TOP2B: variants seen among roughly 807,000 people sequenced by gnomAD.
The protein encoded by TOP2B is DNA topoisomerase II beta, also known as DNA topoisomerase 2-beta.
TOP2B carries 51 observed loss-of-function variants against 193.5 expected under a neutral mutation model. The observed-to-expected ratio is 0.26, with a 90% CI of 0.21 to 0.33. The LOEUF (loss-of-function observed/expected upper bound fraction) is 0.33, where lower values mean the gene tolerates loss of function less well. Among genes scored for constraint, TOP2B ranks in the 10% least tolerant of loss-of-function variants. TOP2B has a pLI of 1.00. For synonymous variants in TOP2B, 634 were observed against 635.7 expected, an observed-to-expected ratio of 1.00 and a Z score of 0.04; for missense variants, 1,378 against 1,909.3, an observed-to-expected ratio of 0.72 and a Z score of 5.19.
At chr3:25,613,296 G>A (rs1702426188) in intron 27 of TOP2B, among the ~76,000 whole-genome samples, 1 of 152,020 alleles carries the variant, frequency 6.6e-6, no homozygotes, top group Non-Finnish European at 1.5e-5. Flanking sequence ...GCTTTGAAAG[G>A]CACAAGGAAA....
At chr3:25,653,583 CCA>C (rs1222199325) in intron 1 of TOP2B, among the ~76,000 whole-genome samples, 1 of 152,022 alleles carries the variant, frequency 6.6e-6, no homozygotes, top group Non-Finnish European at 1.5e-5. Context: ...CTGTGTGCCT[CCA>C]CACCTGGCTA....
chr3:25,610,159 G>A (rs1270402984), intron 28 of TOP2B, among the ~76,000 whole-genome samples: 4 of 151,380 alleles, frequency 2.6e-5, no homozygotes, highest in Non-Finnish European at 5.9e-5. Context: ...CTCTGGCCTG[G>A]GAAACAAAAG....
intron 5 of TOP2B, 136 bp downstream of exon 5, chr3:25,638,029 T>C (rs556437208): frequency 3.4e-6 from 3 of 871,460 alleles, no homozygotes; most frequent in Admixed American, 3.1e-5. Flanking sequence ...CAAGACAATA[T>C]TTATACATGA....
At chr3:25,647,882 T>C (rs1703456036) in intron 1 of TOP2B, among the ~76,000 whole-genome samples, 1 of 152,216 alleles carries the variant, frequency 6.6e-6, no homozygotes, top group Non-Finnish European at 1.5e-5. Flanking sequence ...ACCCCAGGCC[T>C]TTCTTTCCCC....
chr3:25,605,576 CA>C (rs1282764653), intron 32 of TOP2B, among the ~76,000 whole-genome samples: 3 of 151,606 alleles, frequency 2.0e-5, no homozygotes, highest in East Asian at 1.9e-4. Context: ...ATTCCATACA[CA>C]AAAAAAATAC....
At chr3:25,653,998 G>C (rs916062559) in intron 1 of TOP2B, among the ~76,000 whole-genome samples, 2 of 152,104 alleles carry the variant, frequency 1.3e-5, no homozygotes, top group Non-Finnish European at 2.9e-5. Context: ...ACAGCTAACA[G>C]CACATATACT....
chr3:25,644,623 C>T (rs1256777022), intron 2 of TOP2B, among the ~76,000 whole-genome samples: 1 of 148,838 alleles, frequency 6.7e-6, no homozygotes, highest in Non-Finnish European at 1.5e-5. Flanking sequence ...ATCGTTTGAA[C>T]CCAGGAGGCA....
chr3:25,627,235 G>T lies in TOP2B; in HGVS notation c.1968C>A (p.Arg656=), dbSNP rs189565377. The T allele has an allele frequency of 1.5e-4, 236 of 1,610,324 alleles. No homozygotes were observed. Among genetic ancestry groups the T allele is most frequent in the Admixed American group, 2.9e-4 (17 of 58,846 alleles). ...KEYFADMERH[R]ILFRYAGPED... is the part of the protein sequence containing the mutation. ...CAGGACCAGCATATCTAAACAAGAT[G>T]CGATGCCTTTCCATATCAGCAAAAT... is the stretch of plus-strand genomic sequence containing the variant. Residue 656 remains arginine, a synonymous_variant, in exon 16 of 36, where the codon CGC becomes CGA. Coordinates refer to ENST00000264331, the MANE Select transcript of TOP2B (RefSeq NM_001330700.2).
intron 21 of TOP2B, among the ~76,000 whole-genome samples, chr3:25,621,225 A>G (rs924146347): frequency 5.3e-5 from 8 of 152,136 alleles, no homozygotes; most frequent in Admixed American, 3.9e-4. Context: ...TTGTTTGACT[A>G]TTTTGAATAT....
Position 25,617,292 on chromosome 3 carries a change from T to C in TOP2B, c.3351+1126A>G, listed in dbSNP as rs192864573. On this transcript the variant is annotated intron_variant, in intron 25 of 35. Coordinates refer to ENST00000264331, the MANE Select transcript of TOP2B (RefSeq NM_001330700.2). ...CAAAAGGCAAGTGTTGTAGAAACCATAATTTGGGGTTCAATAAAACACATT... is the reference window on the plus strand; with the variant it reads ...CAAAAGGCAAGTGTTGTAGAAACCACAATTTGGGGTTCAATAAAACACATT... 2.8e-3 allele frequency among the ~76,000 whole-genome samples: 428 copies of C among 152,212 alleles called. 7 individuals carry two copies. The highest frequency in any genetic ancestry group is 1.0e-2 in the African/African-American group (414 of 41,548).
rs538607161 is a variant in TOP2B at position 25,664,068 on chromosome 3, C to A, written c.69+161G>T. ...CAGAGAAAGAAAGAAAGAAAAGGCGCGGGGAGCGGGCTGGAGGATTCTGCA... is the reference window on the plus strand; with the variant it reads ...CAGAGAAAGAAAGAAAGAAAAGGCGAGGGGAGCGGGCTGGAGGATTCTGCA... On this transcript the variant is annotated intron_variant, in intron 1 of 35. Transcript: ENST00000264331. Among the ~76,000 whole-genome samples the A allele has an allele frequency of 3.3e-3, 495 of 152,278 alleles. 1 individual carries two copies. The highest frequency in any genetic ancestry group is 4.3e-3 in the Non-Finnish European group (293 of 68,018).
At chr3:25,635,893 T>C (rs2125385175) in intron 7 of TOP2B, 43 bp downstream of exon 7, 3 of 1,540,958 alleles carry the variant, frequency 1.9e-6, no homozygotes, top group East Asian at 4.5e-5. Flanking sequence ...ATATTCTCTC[T>C]ATAAAATAAC....
chr3:25,660,196 A>T (rs1703868567), intron 1 of TOP2B, among the ~76,000 whole-genome samples: 1 of 152,060 alleles, frequency 6.6e-6, no homozygotes. Flanking sequence ...TGCTACTTAA[A>T]CTCTTGTCCT....
chr3:25,625,218 C>CCTT lies in TOP2B; in HGVS notation c.2225-418_2225-416dup, dbSNP rs912346279. 8.8e-4 allele frequency among the ~76,000 whole-genome samples: 134 copies of CCTT among 152,202 alleles called. 2 individuals are homozygous for CCTT. Among genetic ancestry groups the CCTT allele is most frequent in the Non-Finnish European group, 1.8e-4 (12 of 68,004 alleles). ...TCTAAGTATCCCACATCAGGAAAAC[C>CCTT]CTTATAAAAAGCGATTTATTGTGGT... On this transcript the variant is annotated intron_variant, in intron 18 of 35. Coordinates refer to ENST00000264331, the MANE Select transcript of TOP2B (RefSeq NM_001330700.2).
rs558043334 is a variant in TOP2B at position 25,664,106 on chromosome 3, T to G, written c.69+123A>C. On this transcript the variant is annotated intron_variant, in intron 1 of 35. Transcript: ENST00000264331. ...GGAGGATTCTGCAAGCACAGGCCCC[T>G]ATGGAGCGCCCGTTCGGGGGACGGG... 3.0e-5 allele frequency: 42 copies of G among 1,415,362 alleles called. No homozygotes were observed. In the African/African-American group the frequency reaches 5.8e-4, roughly 19 times the overall value. The allele number at this position is 1,415,362 out of a possible 1,614,324, so 87.7% of individuals were successfully genotyped here. A position where few individuals can be genotyped will look rare whatever the true frequency, so the allele number is the denominator to read the frequency against.
At chr3:25,657,355 G>A (rs1703775826) in intron 1 of TOP2B, among the ~76,000 whole-genome samples, 1 of 152,040 alleles carries the variant, frequency 6.6e-6, no homozygotes, top group Non-Finnish European at 1.5e-5. Context: ...AACCACCTTT[G>A]GCCTTAGAAG....
At chr3:25,620,945 GATCA>G (rs1250819669) in intron 21 of TOP2B, 129 bp from the exon 22 acceptor site, 6 of 954,112 alleles carry the variant, frequency 6.3e-6, no homozygotes, top group Non-Finnish European at 9.2e-6. Context: ...CTTTCCAACT[GATCA>G]ATTAAGCTTG....
intron 1 of TOP2B, among the ~76,000 whole-genome samples, chr3:25,656,487 A>G (rs1349506869): frequency 6.6e-6 from 1 of 152,144 alleles, no homozygotes; most frequent in Non-Finnish European, 1.5e-5. Flanking sequence ...TCCTTAATAT[A>G]AACCCTTAAA....
intron 27 of TOP2B, 43 bp from the exon 28 acceptor site, chr3:25,612,752 T>C (rs1292070470): frequency 6.8e-7 from 1 of 1,461,826 alleles, no homozygotes. Context: ...AACAACTTCT[T>C]AGAAAAGATA....
Sources: gnomAD v4.1 joint callset for allele counts (sites outside exome capture counted in the v4.1 genomes callset) on GRCh38, gnomAD v4.1.1 for gene constraint, MANE v1.5 for transcripts, NCBI Gene and HGNC (gene_info 2026-07-23, HGNC 2026-07-21) for gene names.